LIMD1: variants seen among roughly 807,000 people sequenced by gnomAD.
LIMD1 encodes LIM domain-containing protein 1.
Under a neutral mutation model 58.4 loss-of-function variants are expected in LIMD1, and 23 were observed. The observed-to-expected ratio is 0.39, with a 90% CI of 0.28 to 0.56. The LOEUF is 0.56. Ranked by LOEUF, LIMD1 falls within the 20% of genes least tolerant of loss-of-function variation. LIMD1 has a pLI of 0.57. For missense variants in LIMD1, 838 were observed against 855.5 expected (o/e 0.98, Z 0.25); for synonymous variants, 334 against 345.5 (o/e 0.97, Z 0.37).
rs374801789 is a variant in LIMD1, at chr3:45,677,101, G to A, written c.*42G>A. 3.7e-4 allele frequency: 598 copies of A among 1,598,016 alleles called. No individual in the cohort carries two copies. The highest frequency in any genetic ancestry group is 4.8e-4 in the Non-Finnish European group (559 of 1,171,320). On this transcript the variant is annotated 3_prime_UTR_variant, in exon 8 of 8. Transcript: ENST00000273317. The stretch of plus-strand genomic sequence containing the variant: ...ACATCACGGCAGGGGATGAGGAGCC[G>A]GGGTTGCTGCTGCTGCTTCCGGTGG...
Position 45,676,951 on chromosome 3 carries a change from T to C in LIMD1, c.1923T>C (p.Asp641=), listed in dbSNP as rs199816816. ...EDCGLELNDE[D]GHRCYPLEDH... ...GTGGTCTGGAGCTCAATGATGAAGA[T>C]GGCCACCGCTGTTATCCGCTGGAGG... Residue 641 remains aspartate (D), a synonymous_variant, in exon 8 of 8, where the codon GAT becomes GAC. Transcript: ENST00000273317. 2.2e-5 allele frequency: 36 copies of C among 1,614,124 alleles called. No individual in the cohort carries two copies. The African/African-American group carries it at 4.3e-4, about 19-fold the overall frequency.
chr3:45,651,714 C>A (rs368294997), intron 2 of LIMD1, among the ~76,000 whole-genome samples: 1 of 152,162 alleles, frequency 6.6e-6, no homozygotes, highest in South Asian at 2.1e-4. Flanking sequence ...CTCAGTGCAA[C>A]CTCCACCTCC....
In LIMD1 at chr3:45,684,421, C is replaced by T. The variant is rs1359096322; in HGVS notation, c.*7362C>T. ...CAAATAGATCAAAGTGAATCGGCTC[C>T]GTTGTTTGGGGAAATACCTGAGGTT... On this transcript the variant is annotated 3_prime_UTR_variant, in exon 8 of 8. Transcript: ENST00000273317. 6.6e-6 allele frequency: 1 copy of T among 152,154 alleles called. No individual in the cohort carries two copies. Among genetic ancestry groups the T allele is most frequent in the African/African-American group, 2.4e-5 (1 of 41,434 alleles). The allele number at this position is 152,154 out of a possible 1,614,324, so 9.4% of individuals were successfully genotyped here. A position where few individuals can be genotyped will look rare whatever the true frequency, so the allele number is the denominator to read the frequency against.
chr3:45,675,267 C>T (rs1035899827), intron 7 of LIMD1, among the ~76,000 whole-genome samples: 3 of 152,214 alleles, frequency 2.0e-5, no homozygotes, highest in African/African-American at 7.2e-5. Flanking sequence ...CGATAGCTCA[C>T]GCCTGTAATC....
At chr3:45,672,288 T>A (rs1697594751) in intron 4 of LIMD1, among the ~76,000 whole-genome samples, 1 of 152,212 alleles carries the variant, frequency 6.6e-6, no homozygotes, top group Non-Finnish European at 1.5e-5. Context: ...GAAGGATGTA[T>A]CCTTCTGTGG....
intron 1 of LIMD1, among the ~76,000 whole-genome samples, chr3:45,616,217 C>T (rs1701575064): frequency 6.6e-6 from 1 of 152,144 alleles, no homozygotes; most frequent in African/African-American, 2.4e-5. Flanking sequence ...GGCCCCCTTC[C>T]TCCTGACCCC....
chr3:45,665,486 C>T (rs1351418467), intron 2 of LIMD1, among the ~76,000 whole-genome samples, 164 bp from the exon 3 acceptor site: 1 of 152,196 alleles, frequency 6.6e-6, no homozygotes, highest in Non-Finnish European at 1.5e-5. Flanking sequence ...GCCTGCCTCT[C>T]GCCGAGGGCC....
At chr3:45,647,244 C>G (rs1449441274) in intron 2 of LIMD1, among the ~76,000 whole-genome samples, 1 of 152,178 alleles carries the variant, frequency 6.6e-6, no homozygotes, top group African/African-American at 2.4e-5. Context: ...CTCATTGCTT[C>G]ATAGTCTTCA....
chr3:45,631,158 C>A (rs115846015), intron 1 of LIMD1, among the ~76,000 whole-genome samples: 3 of 151,994 alleles, frequency 2.0e-5, no homozygotes, highest in Non-Finnish European at 4.4e-5. Flanking sequence ...TAGCCGAGAT[C>A]GCATGCTGCA....
intron 1 of LIMD1, among the ~76,000 whole-genome samples, chr3:45,629,670 A>C (rs1292327988): frequency 6.6e-6 from 1 of 152,178 alleles, no homozygotes; most frequent in African/African-American, 2.4e-5. Context: ...CTGGACGGCG[A>C]GAGGAACACA....
intron 1 of LIMD1, among the ~76,000 whole-genome samples, chr3:45,620,203 C>A (rs1701617235): frequency 1.3e-5 from 2 of 152,102 alleles, no homozygotes; most frequent in Admixed American, 1.3e-4. Context: ...GGGAAACATG[C>A]ATGATTTTGA....
rs150401030 is a variant in LIMD1 at position 45,682,550 on chromosome 3, C to T, written c.*5491C>T. On this transcript the variant is annotated 3_prime_UTR_variant, in exon 8 of 8. Transcript: ENST00000273317. ...GATGAAGCAGTAGCAGCTGTAATAG[C>T]TGGCATTTCCCGTGTGCTCATCACA... The T allele has an allele frequency of 6.6e-6, 1 of 152,446 alleles. No homozygotes were observed. The highest frequency in any genetic ancestry group is 1.5e-5 in the Non-Finnish European group (1 of 68,092). The allele number at this position is 152,446 out of a possible 1,614,324, so 9.4% of individuals were successfully genotyped here.
chr3:45,636,328 C>T, intron 2 of LIMD1, 77 bp downstream of exon 2: 1 of 903,624 alleles, frequency 1.1e-6, no homozygotes. Flanking sequence ...GGAGAGAGAT[C>T]ATCTTTCTGG....
chr3:45,595,285 C>T lies in LIMD1; in HGVS notation c.406C>T (p.Pro136Ser), dbSNP rs774530414. 2 of 1,613,052 alleles carry T rather than the reference C, an allele frequency of 1.2e-6. No homozygotes were observed. The highest frequency in any genetic ancestry group is 1.7e-6 in the Non-Finnish European group (2 of 1,179,974). The change falls in exon 1 of 8, where the codon CCA becomes TCA. Residue 136 changes from proline (P) to serine (S), a missense_variant. By Grantham distance (74) the Pro-to-Ser change is moderately conservative. Around this residue, in one of 3 missense-constraint regions of LIMD1, gnomAD observed 659 missense variants for 639.8 expected, o/e 1.03. Transcript: ENST00000273317. ...CCCACCGCAGGAGCAGAGATCCAGG[C>T]CATACCTGCATGGCACGAGGCATGG... ...PYPPQEQRSR[P>S]YLHGTRHGSQ...
At chr3:45,622,225 G>T (rs2125654406) in intron 1 of LIMD1, among the ~76,000 whole-genome samples, 1 of 152,232 alleles carries the variant, frequency 6.6e-6, no homozygotes, top group African/African-American at 2.4e-5. Context: ...CCAGCCCTGG[G>T]TAAACAGGAA....
At chr3:45,604,617 C>T (rs1010758459) in intron 1 of LIMD1, among the ~76,000 whole-genome samples, 1 of 152,156 alleles carries the variant, frequency 6.6e-6, no homozygotes, top group Non-Finnish European at 1.5e-5. Flanking sequence ...TCCTTCTTCC[C>T]CGTCATCCCA....
chr3:45,665,739 C>T, intron 3 of LIMD1, 22 bp downstream of exon 3: 1 of 1,610,086 alleles, frequency 6.2e-7, no homozygotes, highest in African/African-American at 1.3e-5. Flanking sequence ...ACCGAAGCCT[C>T]CCCTTGCATG....
intron 1 of LIMD1, among the ~76,000 whole-genome samples, chr3:45,614,876 A>G (rs958016787): frequency 6.6e-6 from 1 of 151,152 alleles, no homozygotes; most frequent in African/African-American, 2.4e-5. Flanking sequence ...TACTCTAGGG[A>G]TAATCACTGT....
At chr3:45,637,751 G>T (rs1249285554) in intron 2 of LIMD1, among the ~76,000 whole-genome samples, 1 of 151,718 alleles carries the variant, frequency 6.6e-6, no homozygotes. Context: ...CCAGTGCATT[G>T]TGGTTAACCA....
Sources: allele counts gnomAD v4.1 joint callset (sites outside exome capture counted in the v4.1 genomes callset), GRCh38; gene constraint gnomAD v4.1.1; regional missense constraint gnomAD v4.1.1; transcripts MANE v1.5; gene names NCBI Gene and HGNC (gene_info 2026-07-23, HGNC 2026-07-21).